Variants in BCL2L11 observed in about 807,000 individuals in gnomAD.
The protein encoded by BCL2L11 is bcl-2-like protein 11.
BCL2L11 carries 15 observed loss-of-function variants against 20.6 expected under a neutral mutation model. That is an observed-to-expected ratio of 0.73 (90% confidence interval 0.49 to 1.12). The LOEUF (loss-of-function observed/expected upper bound fraction) is 1.12. Among genes scored for constraint, BCL2L11 ranks in the 50% most tolerant of loss-of-function variants. The pLI is 0.00. For synonymous variants in BCL2L11, 108 were observed against 92.8 expected, an observed-to-expected ratio of 1.16 and a Z score of -0.94; for missense variants, 292 against 260.9, an observed-to-expected ratio of 1.12 and a Z score of -0.82.
At chr2:111,162,812 C>G (rs943971563) in intron 3 of BCL2L11, 1 of 152,232 alleles carries the variant, frequency 6.6e-6, no homozygotes, top group African/African-American at 2.4e-5. Flanking sequence ...TTGAATAAGT[C>G]TCTTTCAACC....
chr2:111,146,325 A>G (rs1331724358), intron 2 of BCL2L11: 2 of 748,356 alleles, frequency 2.7e-6, no homozygotes, highest in African/African-American at 3.8e-5. Flanking sequence ...CATTGCAGAT[A>G]GCAAAATAAA....
At chr2:111,144,236 C>CT (rs1309982269) in intron 2 of BCL2L11, among the ~76,000 whole-genome samples, 1 of 152,342 alleles carries the variant, frequency 6.6e-6, no homozygotes, top group East Asian at 1.9e-4. Flanking sequence ...ATTGAGGAAT[C>CT]TTTGAGTACT....
At chr2:111,156,473 T>C (rs562312318) in intron 3 of BCL2L11, among the ~76,000 whole-genome samples, 39 of 152,214 alleles carry the variant, frequency 2.6e-4, no homozygotes, top group African/African-American at 9.1e-4. Context: ...GGCAGCTCAG[T>C]GTTTGGGTTT....
chr2:111,127,325 G>A (rs964362512), intron 2 of BCL2L11, among the ~76,000 whole-genome samples: 30 of 152,026 alleles, frequency 2.0e-4, no homozygotes, highest in African/African-American at 7.0e-4. Flanking sequence ...TCAGGATATG[G>A]AGGAATGCTC....
chr2:111,131,103 G>A (rs1263849274), intron 2 of BCL2L11, among the ~76,000 whole-genome samples: 1 of 151,918 alleles, frequency 6.6e-6, no homozygotes, highest in Admixed American at 6.6e-5. Flanking sequence ...TAATTAGGAA[G>A]GGTTCCCTCT....
Position 111,167,039 on chromosome 2 carries a change from T to C in BCL2L11, c.*2808T>C, listed in dbSNP as rs1035910969. ...AGGATTGTAAATATTGTAGATTCTT[T>C]TTCTGTGTGATGTGTCCTACTGTTT... is the stretch of plus-strand genomic sequence containing the variant. On this transcript the variant is annotated 3_prime_UTR_variant, in exon 4 of 4. Coordinates refer to ENST00000393256, the MANE Select transcript of BCL2L11 (RefSeq NM_138621.5). 2 of 152,648 alleles carry C rather than the reference T, an allele frequency of 1.3e-5. No homozygotes were observed. Among genetic ancestry groups the C allele is most frequent in the African/African-American group, 4.8e-5 (2 of 41,448 alleles). 9.5% of individuals were successfully genotyped at this position (152,648 alleles called of 1,614,324 possible). A position where few individuals can be genotyped will look rare whatever the true frequency, so the allele number is the denominator to read the frequency against.
intron 3 of BCL2L11, chr2:111,162,932 A>G (rs1350005415): frequency 1.3e-5 from 2 of 152,240 alleles, no homozygotes; most frequent in East Asian, 1.9e-4. Context: ...TGTGTGTAAA[A>G]CAGATAAAAA....
rs1369819746 is a variant in BCL2L11 at position 111,153,720 on chromosome 2, T to C, written c.498+3573T>C. On this transcript the variant is annotated intron_variant, in intron 3 of 3. Transcript: ENST00000393256. ...CTATTACAATGCCTTGTCTAAAGTG[T>C]TAGTCTTTTATTGCCACGAGCCTTG... The C allele has an allele frequency of 3.9e-6, 6 of 1,547,970 alleles. No homozygotes were observed. In the African/African-American group the frequency reaches 8.2e-5, roughly 21 times the overall value.
intron 2 of BCL2L11, among the ~76,000 whole-genome samples, chr2:111,141,609 A>T (rs557895618): frequency 4.8e-4 from 73 of 151,872 alleles, no homozygotes; most frequent in Non-Finnish European, 8.2e-4. Flanking sequence ...GCACATGTAT[A>T]CCTATGTAAC....
chr2:111,157,369 C>T (rs1185834691), intron 3 of BCL2L11, among the ~76,000 whole-genome samples: 1 of 152,204 alleles, frequency 6.6e-6, no homozygotes, highest in Non-Finnish European at 1.5e-5. Flanking sequence ...ACTTCTACCA[C>T]CTGAAACAAA....
chr2:111,143,781 A>G (rs554817807), intron 2 of BCL2L11, among the ~76,000 whole-genome samples: 23 of 152,304 alleles, frequency 1.5e-4, no homozygotes, highest in Admixed American at 2.6e-4. Flanking sequence ...GCTGCTAGTA[A>G]ATATGTTAAT....
Position 111,121,029 on chromosome 2 carries a change from C to T in BCL2L11, c.-173C>T. The T allele has an allele frequency of 2.5e-6, 1 of 399,048 alleles. No individual in the cohort carries two copies. Among genetic ancestry groups the T allele is most frequent in the East Asian group, 5.2e-5 (1 of 19,166 alleles). 24.7% of individuals were successfully genotyped at this position (399,048 alleles called of 1,614,324 possible). On this transcript the variant is annotated 5_prime_UTR_variant, in exon 1 of 4. Transcript: ENST00000393256. ...GCCGCCGCCGCCGCCGCCACTACCA[C>T]CACTTGATTCTTGCAGCCACCCTGC...
At position 111,168,154 on chromosome 2, in the gene BCL2L11, C is replaced by CT. The variant is rs973945285; in HGVS notation, c.*3925dup. On this transcript the variant is annotated 3_prime_UTR_variant, in exon 4 of 4. Coordinates refer to ENST00000393256, the MANE Select transcript of BCL2L11 (RefSeq NM_138621.5). Reference sequence around the variant, plus strand: ...GGGAATTTCAGACTATAGAAGCTCTCTTATGTTTTATGTCCAGATTCTGTG... The same window carrying CT: ...GGGAATTTCAGACTATAGAAGCTCTCTTTATGTTTTATGTCCAGATTCTGTG... 4 of 152,458 alleles carry CT rather than the reference C, an allele frequency of 2.6e-5. No homozygotes were observed. The highest frequency in any genetic ancestry group is 5.9e-5 in the Non-Finnish European group (4 of 67,960). 9.4% of individuals were successfully genotyped at this position (152,458 alleles called of 1,614,324 possible).
chr2:111,151,446 C>T (rs2077246908), intron 3 of BCL2L11, among the ~76,000 whole-genome samples: 1 of 152,102 alleles, frequency 6.6e-6, no homozygotes, highest in African/African-American at 2.4e-5. Context: ...CTTACCCCTT[C>T]TCTTTTAGCT....
chr2:111,161,596 C>T (rs1003603821), intron 3 of BCL2L11: 4 of 1,505,806 alleles, frequency 2.7e-6, no homozygotes, highest in Admixed American at 2.1e-5. Flanking sequence ...GAACCACTCA[C>T]ACTGCAAATG....
chr2:111,161,535 G>A (rs946452759), intron 3 of BCL2L11: 5 of 1,547,472 alleles, frequency 3.2e-6, no homozygotes, highest in African/African-American at 2.7e-5. Flanking sequence ...CATGGCTGCT[G>A]ATGATCCGCT....
intron 1 of BCL2L11, chr2:111,123,023 C>T (rs7602904): frequency 0.47 from 460,455 of 982,216 alleles, 109,162 homozygotes; most frequent in Non-Finnish European, 0.48. Context: ...AGTTGTAGAC[C>T]TTGCAGGCGT....
intron 3 of BCL2L11, 83 bp downstream of exon 3, chr2:111,150,230 G>T: frequency 6.5e-7 from 1 of 1,536,312 alleles, no homozygotes; most frequent in Non-Finnish European, 8.8e-7. Context: ...GTGACTTCTT[G>T]TAACTACATG....
At chr2:111,122,532 G>A (rs2071294265) in intron 1 of BCL2L11, 1 of 881,008 alleles carries the variant, frequency 1.1e-6, no homozygotes, top group South Asian at 5.2e-5. Context: ...TGGCTGCGGC[G>A]CGGAGCGACC....
Sources: allele counts gnomAD v4.1 joint callset (sites outside exome capture counted in the v4.1 genomes callset), GRCh38; gene constraint gnomAD v4.1.1; transcripts MANE v1.5; gene names NCBI Gene and HGNC (gene_info 2026-07-23, HGNC 2026-07-21).